The following SYNPO2 variants were observed in gnomAD, a reference collection of about 807,000 sequenced individuals.
SYNPO2 encodes synaptopodin-2.
SYNPO2 carries 56 observed loss-of-function variants against 85.0 expected under a neutral mutation model. The ratio of observed to expected loss-of-function variants is 0.66; its 90% CI spans 0.53 to 0.82. SYNPO2 has a LOEUF of 0.82. Ranked by LOEUF, SYNPO2 falls within the 40% of genes least tolerant of loss-of-function variation. The probability of loss-of-function intolerance (pLI) is 0.00; values close to 1 mark genes in which losing one functional copy is unlikely to be tolerated. For synonymous variants in SYNPO2, 602 were observed against 591.1 expected, an observed-to-expected ratio of 1.02 and a Z score of -0.27; for missense variants, 1,575 against 1,534.2, an observed-to-expected ratio of 1.03 and a Z score of -0.44.
intron 4 of SYNPO2, chr4:119,035,765 AT>A (rs1350272858): frequency 1.0e-6 from 1 of 981,296 alleles, no homozygotes; most frequent in Non-Finnish European, 1.2e-6. Flanking sequence ...ACAGCTGAGA[AT>A]TATCACATAG....
chr4:119,027,950 C>T (rs181311101), intron 3 of SYNPO2, among the ~76,000 whole-genome samples: 1 of 152,264 alleles, frequency 6.6e-6, no homozygotes, highest in Admixed American at 6.5e-5. Flanking sequence ...CAGACAAGGA[C>T]ATGTGTATAC....
chr4:118,983,667 T>A (rs1267290356), intron 1 of SYNPO2, among the ~76,000 whole-genome samples: 1 of 152,192 alleles, frequency 6.6e-6, no homozygotes, highest in Non-Finnish European at 1.5e-5. Flanking sequence ...GATATAAGAA[T>A]TTTTCAGTAC....
rs376467151 is a variant in SYNPO2 at position 118,900,663 on chromosome 4, T to TTCTCTCTCTC, written c.105+11554_105+11563dup. Among the ~76,000 whole-genome samples the TTCTCTCTCTC allele has an allele frequency of 7.4e-4, 57 of 77,522 alleles. 1 individual carries two copies. Among genetic ancestry groups the TTCTCTCTCTC allele is most frequent in the Admixed American group, 1.4e-3 (8 of 5,916 alleles). 50.9% of individuals were successfully genotyped at this position (77,522 alleles called of 152,430 possible). ...TTTGTAATCTTACCCTAGAATCTCTTTCTCTCTCTCTCTCTCTCTCTCTCT... is the reference window on the plus strand; with the variant it reads ...TTTGTAATCTTACCCTAGAATCTCTTTCTCTCTCTCTCTCTCTCTCTCTCTCTCTCTCTCT... On this transcript the variant is annotated intron_variant, in intron 1 of 4. Coordinates refer to ENST00000307142, the MANE Select transcript of SYNPO2 (RefSeq NM_133477.3).
intron 4 of SYNPO2, chr4:119,034,363 G>C: frequency 1.0e-6 from 1 of 976,294 alleles, no homozygotes; most frequent in Non-Finnish European, 1.2e-6. Context: ...ATTTCCAGTT[G>C]TCTAGTGGTG....
chr4:119,022,723 T>G (rs200019776), intron 1 of SYNPO2, among the ~76,000 whole-genome samples: 1,657 of 62,442 alleles, frequency 0.027, 37 homozygotes, highest in African/African-American at 0.078. Context: ...TATTTTATTT[T>G]AATTTTATTT....
At chr4:118,956,021 G>T (rs1225412005) in intron 1 of SYNPO2, among the ~76,000 whole-genome samples, 1 of 152,122 alleles carries the variant, frequency 6.6e-6, no homozygotes, top group Non-Finnish European at 1.5e-5. Flanking sequence ...AGTAGGAATT[G>T]TCTGAGTGGT....
intron 1 of SYNPO2, among the ~76,000 whole-genome samples, chr4:118,957,071 T>A (rs1476174872): frequency 2.0e-5 from 3 of 150,346 alleles, no homozygotes; most frequent in Non-Finnish European, 3.0e-5. Context: ...ATAAAAAAAA[T>A]AAAAAAAAGT....
At chr4:118,871,750 T>C (rs1242824717) in intron 1 of SYNPO2, among the ~76,000 whole-genome samples, 2 of 152,116 alleles carry the variant, frequency 1.3e-5, no homozygotes, top group Non-Finnish European at 2.9e-5. Context: ...GTTGTATTTT[T>C]AGTAGAGGCG....
At chr4:118,934,870 A>G (rs553349347) in intron 1 of SYNPO2, among the ~76,000 whole-genome samples, 1 of 152,304 alleles carries the variant, frequency 6.6e-6, no homozygotes, top group African/African-American at 2.4e-5. Flanking sequence ...CCTGTCTTAT[A>G]TTGAACATAA....
At chr4:118,976,203 G>A (rs555474988) in intron 1 of SYNPO2, among the ~76,000 whole-genome samples, 33 of 152,022 alleles carry the variant, frequency 2.2e-4, no homozygotes, top group Non-Finnish European at 3.2e-4. Context: ...AGATGTGTTC[G>A]GAGTTTTTTC....
rs770346664 is a variant in SYNPO2 at position 119,027,392 on chromosome 4, G to T, written c.1023G>T (p.Ser341=). The part of the protein sequence containing the change: ...EGTEQGEDPR[S]EKDHSRPHKH... ...CAGAGCAGGGAGAAGATCCACGCTCGGAAAAAGATCACAGCAGACCTCACA... is the reference window on the plus strand; with the variant it reads ...CAGAGCAGGGAGAAGATCCACGCTCTGAAAAAGATCACAGCAGACCTCACA... The change falls in exon 3 of 5, where the codon TCG becomes TCT. Residue 341 remains serine, a synonymous_variant. Transcript: ENST00000307142. The T allele has an allele frequency of 4.3e-6, 7 of 1,612,274 alleles. No individual in the cohort carries two copies. The highest frequency in any genetic ancestry group is 5.9e-6 in the Non-Finnish European group (7 of 1,179,370).
In SYNPO2 at chr4:119,057,321, A is replaced by G. The variant is rs1332245808; in HGVS notation, c.3253-80A>G. ...TTTTTTATTTTTGCAGTGCTTGGTAATGGTGCTAGGAATACTTTGGAGTAA... is the reference window on the plus strand; with the variant it reads ...TTTTTTATTTTTGCAGTGCTTGGTAGTGGTGCTAGGAATACTTTGGAGTAA... On this transcript the variant is annotated intron_variant, in intron 4 of 4. Coordinates refer to ENST00000307142, the MANE Select transcript of SYNPO2 (RefSeq NM_133477.3). 7 of 1,351,862 alleles carry G rather than the reference A, an allele frequency of 5.2e-6. No homozygotes were observed. In the Admixed American group the frequency reaches 1.0e-4, roughly 20 times the overall value. 83.7% of individuals were successfully genotyped at this position (1,351,862 alleles called of 1,614,324 possible).
chr4:118,872,291 A>C (rs1003351572), intron 1 of SYNPO2, among the ~76,000 whole-genome samples: 1 of 152,164 alleles, frequency 6.6e-6, no homozygotes, highest in Non-Finnish European at 1.5e-5. Flanking sequence ...TTTAAAATCA[A>C]CTTCAACTTA....
chr4:118,973,173 C>T (rs965705129), intron 1 of SYNPO2, among the ~76,000 whole-genome samples: 2 of 151,918 alleles, frequency 1.3e-5, no homozygotes, highest in Non-Finnish European at 1.5e-5. Flanking sequence ...ATTAGTAATT[C>T]TATATTATTA....
At chr4:118,940,636 C>A (rs1349688075) in intron 1 of SYNPO2, among the ~76,000 whole-genome samples, 1 of 152,024 alleles carries the variant, frequency 6.6e-6, no homozygotes, top group African/African-American at 2.4e-5. Context: ...GTAAGGGGTG[C>A]GGTCGGACCC....
At chr4:118,928,157 A>C (rs1578558524) in intron 1 of SYNPO2, among the ~76,000 whole-genome samples, 1 of 152,232 alleles carries the variant, frequency 6.6e-6, no homozygotes, top group East Asian at 1.9e-4. Context: ...GCAAGTAGGC[A>C]CAATAAATTA....
intron 1 of SYNPO2, among the ~76,000 whole-genome samples, chr4:118,865,105 G>A (rs1235709164): frequency 6.6e-6 from 1 of 152,166 alleles, no homozygotes; most frequent in African/African-American, 2.4e-5. Flanking sequence ...AATTTGTGGG[G>A]CCAGGCCAGA....
At chr4:119,014,800 T>G (rs1737464332) in intron 1 of SYNPO2, among the ~76,000 whole-genome samples, 1 of 152,248 alleles carries the variant, frequency 6.6e-6, no homozygotes, top group Non-Finnish European at 1.5e-5. Flanking sequence ...CCCGAAAGGC[T>G]GTCTTTCTGA....
At chr4:118,860,564 T>G in intron 1 of SYNPO2, among the ~76,000 whole-genome samples, 1 of 59,540 alleles carries the variant, frequency 1.7e-5, no homozygotes, top group South Asian at 7.7e-4. Context: ...TTTTTTTTGT[T>G]TTTTTTTTTT....
Sources: gnomAD v4.1 joint callset for allele counts (sites outside exome capture counted in the v4.1 genomes callset) on GRCh38, gnomAD v4.1.1 for gene constraint, MANE v1.5 for transcripts, NCBI Gene and HGNC (gene_info 2026-07-23, HGNC 2026-07-21) for gene names.